The following RBFOX1 variants were observed in gnomAD, a reference collection of about 807,000 sequenced individuals.
RBFOX1 encodes the protein RNA binding protein fox-1 homolog 1.
In RBFOX1, 8 loss-of-function variants were observed where a neutral mutation model predicts 57.7. The ratio of observed to expected loss-of-function variants is 0.14; its 90% CI spans 0.08 to 0.25. The LOEUF (loss-of-function observed/expected upper bound fraction) is 0.25, where lower values mean the gene tolerates loss of function less well. RBFOX1 is among the 10% of genes least tolerant of loss of function. The probability of loss-of-function intolerance (pLI) is 1.00; values close to 1 mark genes in which losing one functional copy is unlikely to be tolerated. For synonymous variants in RBFOX1, 326 were observed against 222.4 expected (o/e 1.47, Z -4.15); for missense variants, 611 against 548.5 (o/e 1.11, Z -1.14).
Position 7,504,755 on chromosome 16 carries a change from TTATATATATATATATTTA to T in RBFOX1, c.28-13378_28-13361del, listed in dbSNP as rs1232804565. On this transcript the variant is annotated intron_variant, in intron 4 of 15. Transcript: ENST00000550418. ...TATATATATATATATATATATATATTTATATATATATATATTTATATATATATATATTTATATATATAT... is the reference window on the plus strand; with the variant it reads ...TATATATATATATATATATATATATTTATATATATATATTTATATATATAT... 9.0e-3 allele frequency among the ~76,000 whole-genome samples: 90 copies of T among 10,000 alleles called. 4 individuals are homozygous for T. The highest frequency in any genetic ancestry group is 0.012 in the Non-Finnish European group (68 of 5,762). The allele number at this position is 10,000 out of a possible 152,430, so 6.6% of individuals were successfully genotyped here.
At chr16:7,254,508 A>G (rs142304823) in intron 4 of RBFOX1, among the ~76,000 whole-genome samples, 8 of 139,532 alleles carry the variant, frequency 5.7e-5, no homozygotes, top group Non-Finnish European at 1.3e-4. Flanking sequence ...CTTTTTTTTT[A>G]TCAATATATG....
intron 4 of RBFOX1, among the ~76,000 whole-genome samples, chr16:7,484,896 T>C (rs2064985113): frequency 6.6e-6 from 1 of 152,190 alleles, no homozygotes; most frequent in Non-Finnish European, 1.5e-5. Flanking sequence ...AAGGATATTG[T>C]CAGTATCAGG....
At chr16:5,380,852 G>A (rs1381088870) in intron 1 of RBFOX1, among the ~76,000 whole-genome samples, 1 of 152,188 alleles carries the variant, frequency 6.6e-6, no homozygotes, top group Non-Finnish European at 1.5e-5. Context: ...ATTTTATCCT[G>A]AGGATGTACT....
intron 4 of RBFOX1, among the ~76,000 whole-genome samples, chr16:5,898,248 C>A (rs775391634): frequency 6.6e-6 from 1 of 152,096 alleles, no homozygotes; most frequent in Non-Finnish European, 1.5e-5. Context: ...TTACCTCCTA[C>A]CAGGTCCCTT....
chr16:7,029,586 A>G (rs1169339914), intron 3 of RBFOX1, among the ~76,000 whole-genome samples: 1 of 152,152 alleles, frequency 6.6e-6, no homozygotes, highest in Non-Finnish European at 1.5e-5. Flanking sequence ...TAACTTGGAC[A>G]TGAGATCATT....
chr16:5,319,718 C>G (rs770810961), intron 1 of RBFOX1, among the ~76,000 whole-genome samples: 13 of 152,180 alleles, frequency 8.5e-5, no homozygotes, highest in African/African-American at 2.2e-4. Context: ...AATCACAACT[C>G]TAAAATCTCA....
chr16:7,355,200 G>C (rs562612032), intron 4 of RBFOX1, among the ~76,000 whole-genome samples: 1 of 152,268 alleles, frequency 6.6e-6, no homozygotes, highest in South Asian at 2.1e-4. Context: ...ATCCCCATCA[G>C]TTGGCTTTGT....
chr16:6,695,648 C>T (rs1371738644), intron 3 of RBFOX1, among the ~76,000 whole-genome samples: 5 of 152,024 alleles, frequency 3.3e-5, no homozygotes, highest in East Asian at 1.9e-4. Flanking sequence ...TTGTAAAAGA[C>T]GATCATAGTG....
At chr16:6,242,671 A>C (rs2097546407) in intron 1 of RBFOX1, among the ~76,000 whole-genome samples, 1 of 123,024 alleles carries the variant, frequency 8.1e-6, no homozygotes, top group Non-Finnish European at 1.8e-5. Context: ...CACATTCCTT[A>C]AAATGTATTA....
At chr16:7,526,538 C>T (rs369873273) in intron 5 of RBFOX1, among the ~76,000 whole-genome samples, 93 of 152,236 alleles carry the variant, frequency 6.1e-4, no homozygotes, top group African/African-American at 1.9e-3. Flanking sequence ...AACTATCAGA[C>T]GATGGATTAC....
At chr16:5,386,804 A>G (rs1242928618) in intron 1 of RBFOX1, among the ~76,000 whole-genome samples, 1 of 152,122 alleles carries the variant, frequency 6.6e-6, no homozygotes, top group African/African-American at 2.4e-5. Context: ...TAACCCCAGC[A>G]CTTTGGAAGG....
chr16:6,865,686 A>G (rs1418771475), intron 3 of RBFOX1, among the ~76,000 whole-genome samples: 3 of 152,200 alleles, frequency 2.0e-5, no homozygotes, highest in Admixed American at 2.0e-4. Context: ...TCCTTTAGTT[A>G]ATAAGTTCAT....
rs561606521 is a variant in RBFOX1, at chr16:7,199,209, G to A, written c.27+147111G>A. On this transcript the variant is annotated intron_variant, in intron 4 of 15. Transcript: ENST00000550418. ...TTTTTAACTGCACTTCAGCATAGAG[G>A]GGGACATTTTAAGGAGCTAAGAGCT... is the stretch of plus-strand genomic sequence containing the variant. 6.2e-4 allele frequency among the ~76,000 whole-genome samples: 95 copies of A among 152,256 alleles called. 1 individual carries two copies. In the Middle Eastern group the frequency reaches 0.034, roughly 55 times the overall value.
At chr16:7,628,235 G>A (rs576804010) in intron 10 of RBFOX1, among the ~76,000 whole-genome samples, 14 of 151,992 alleles carry the variant, frequency 9.2e-5, no homozygotes, top group Non-Finnish European at 1.6e-4. Flanking sequence ...TTTAAACCAG[G>A]CGTGCACAGG....
chr16:5,381,275 C>T (rs777959978), intron 1 of RBFOX1, among the ~76,000 whole-genome samples: 3 of 152,116 alleles, frequency 2.0e-5, no homozygotes, highest in Admixed American at 6.5e-5. Context: ...CATATTATGC[C>T]GAGTCTGAAT....
intron 4 of RBFOX1, among the ~76,000 whole-genome samples, chr16:7,239,878 C>T (rs1180222259): frequency 3.7e-5 from 5 of 136,244 alleles, no homozygotes; most frequent in South Asian, 4.4e-4. Context: ...CCATAGAGTT[C>T]GTTGTGCTAA....
chr16:7,126,581 G>A (rs771672806), intron 4 of RBFOX1: 1 of 187,986 alleles, frequency 5.3e-6, no homozygotes, highest in Non-Finnish European at 1.2e-5. Flanking sequence ...GCAGCAAATA[G>A]GCTGCATGTG....
At chr16:6,649,098 C>T (rs1390953831) in intron 2 of RBFOX1, among the ~76,000 whole-genome samples, 1 of 152,162 alleles carries the variant, frequency 6.6e-6, no homozygotes, top group East Asian at 1.9e-4. Flanking sequence ...CCAGATCTCC[C>T]CAGCAAACCC....
chr16:6,417,971 A>G (rs2093670970), intron 2 of RBFOX1, among the ~76,000 whole-genome samples: 1 of 122,940 alleles, frequency 8.1e-6, no homozygotes, highest in African/African-American at 3.5e-5. Flanking sequence ...GTGCTCAGAA[A>G]TTATTTTCTG....
Sources: allele counts gnomAD v4.1 joint callset (sites outside exome capture counted in the v4.1 genomes callset), GRCh38; gene constraint gnomAD v4.1.1; transcripts MANE v1.5; gene names NCBI Gene and HGNC (gene_info 2026-07-23, HGNC 2026-07-21).